PLD1: variants seen among roughly 807,000 people sequenced by gnomAD.
The protein encoded by PLD1 is phospholipase D1.
A neutral mutation model predicts 137.1 loss-of-function variants in PLD1; 112 were observed. The observed-to-expected ratio is 0.82, with a 90% CI of 0.70 to 0.96. The LOEUF is 0.96. PLD1 is among the 40% of genes least tolerant of loss of function. The pLI is 0.00. For missense variants in PLD1, 1,321 were observed against 1,342.0 expected (o/e 0.98, Z 0.24); for synonymous variants, 431 against 454.7 (o/e 0.95, Z 0.66).
At chr3:171,734,076 A>T (rs1339203526) in intron 5 of PLD1, among the ~76,000 whole-genome samples, 3 of 152,214 alleles carry the variant, frequency 2.0e-5, no homozygotes, top group Non-Finnish European at 4.4e-5. Flanking sequence ...AAAATCCAGC[A>T]TGCTTTTGCT....
intron 1 of PLD1, among the ~76,000 whole-genome samples, chr3:171,802,991 T>G (rs1723704667): frequency 1.3e-5 from 2 of 152,318 alleles, no homozygotes; most frequent in South Asian, 4.1e-4. Flanking sequence ...TACAAAATAC[T>G]ATTTTGAGTC....
intron 16 of PLD1, among the ~76,000 whole-genome samples, chr3:171,686,122 TC>T (rs1714532233): frequency 1.2e-5 from 1 of 83,100 alleles, no homozygotes; most frequent in Non-Finnish European, 2.5e-5. Flanking sequence ...AGACTCTATC[TC>T]AAAAAAAAAA....
chr3:171,614,249 C>G (rs1340815214), intron 24 of PLD1, among the ~76,000 whole-genome samples: 1 of 152,132 alleles, frequency 6.6e-6, no homozygotes, highest in African/African-American at 2.4e-5. Flanking sequence ...AAGTGGGAAC[C>G]TTTGAAACAC....
chr3:171,741,238 T>C (rs1414873430), intron 1 of PLD1, among the ~76,000 whole-genome samples: 1 of 152,246 alleles, frequency 6.6e-6, no homozygotes, highest in Non-Finnish European at 1.5e-5. Flanking sequence ...GACTTGTTCA[T>C]GCTTTTGTAA....
intron 8 of PLD1, among the ~76,000 whole-genome samples, chr3:171,723,397 A>C (rs945489243): frequency 1.3e-5 from 2 of 152,198 alleles, no homozygotes; most frequent in African/African-American, 4.8e-5. Flanking sequence ...GGTTGCTTCC[A>C]AATCTTGGCT....
At chr3:171,708,204 C>T (rs1470687774) in intron 11 of PLD1, among the ~76,000 whole-genome samples, 2 of 152,054 alleles carry the variant, frequency 1.3e-5, no homozygotes, top group Admixed American at 6.6e-5. Flanking sequence ...AATGAGTTTC[C>T]GATATGAGGC....
intron 16 of PLD1, among the ~76,000 whole-genome samples, chr3:171,679,411 C>T (rs1282032232): frequency 6.6e-6 from 1 of 152,056 alleles, no homozygotes; most frequent in Non-Finnish European, 1.5e-5. Context: ...GGCCAAAGTA[C>T]GGGTAGGTCT....
At chr3:171,719,002 A>T (rs141514888) in intron 8 of PLD1, among the ~76,000 whole-genome samples, 2 of 152,130 alleles carry the variant, frequency 1.3e-5, no homozygotes. Flanking sequence ...AGATAAGCCC[A>T]CTTGAGCCAG....
intron 23 of PLD1, among the ~76,000 whole-genome samples, chr3:171,628,761 C>T (rs1227820838): frequency 6.6e-6 from 1 of 152,014 alleles, no homozygotes; most frequent in Non-Finnish European, 1.5e-5. Context: ...AGACAAAAAC[C>T]ACGTGATTAT....
chr3:171,809,215 A>G (rs916248115), intron 1 of PLD1: 1 of 152,238 alleles, frequency 6.6e-6, no homozygotes, highest in African/African-American at 2.4e-5. Flanking sequence ...AGATCCCCAA[A>G]CAACATTTAA....
intron 21 of PLD1, among the ~76,000 whole-genome samples, chr3:171,650,465 TC>T (rs1376366589): frequency 6.6e-6 from 1 of 151,526 alleles, no homozygotes; most frequent in Non-Finnish European, 1.5e-5. Flanking sequence ...CGGAGGGAGA[TC>T]AACATCAGTG....
chr3:171,720,961 T>G (rs1718085537), intron 8 of PLD1, among the ~76,000 whole-genome samples: 1 of 152,208 alleles, frequency 6.6e-6, no homozygotes, highest in South Asian at 2.1e-4. Context: ...AGTCACCCTC[T>G]GCAATCCCCA....
At chr3:171,770,277 A>G (rs140779613) in intron 1 of PLD1, among the ~76,000 whole-genome samples, 452 of 152,326 alleles carry the variant, frequency 3.0e-3, no homozygotes, top group African/African-American at 0.01. Flanking sequence ...ACAAAATTCA[A>G]TTGGGCTTAA....
At chr3:171,773,527 G>A (rs1722478748) in intron 1 of PLD1, among the ~76,000 whole-genome samples, 1 of 152,080 alleles carries the variant, frequency 6.6e-6, no homozygotes, top group Admixed American at 6.5e-5. Context: ...GCTTGAACCC[G>A]GGAGGCGGAG....
rs577340901 is a variant in PLD1 at position 171,677,669 on chromosome 3, C to G, written c.1893G>C (p.Gln631His). ...HADTGSIRSL[Q>H]TGVGELHGET... ...CCCCATGCAGCTCTCCCACACCTGT[C>G]TGTAAACTACGGATGGACCCGGTAT... The change falls in exon 17 of 27, where the codon CAG (glutamine) becomes CAC (histidine). Residue 631 changes from glutamine to histidine, a missense_variant. Transcript: ENST00000351298. The G allele has an allele frequency of 1.9e-6, 3 of 1,614,076 alleles. No individual in the cohort carries two copies. The highest frequency in any genetic ancestry group is 2.5e-6 in the Non-Finnish European group (3 of 1,179,968).
intron 8 of PLD1, among the ~76,000 whole-genome samples, chr3:171,717,541 G>A (rs1199092734): frequency 6.6e-6 from 1 of 152,178 alleles, no homozygotes; most frequent in East Asian, 1.9e-4. Flanking sequence ...TGTTGTTGGT[G>A]TATAGAAATG....
intron 23 of PLD1, among the ~76,000 whole-genome samples, chr3:171,621,136 T>G (rs1485956562): frequency 6.6e-6 from 1 of 152,088 alleles, no homozygotes; most frequent in Non-Finnish European, 1.5e-5. Context: ...AACAGAAGAA[T>G]CCTTACTACA....
chr3:171,742,134 C>G (rs1007660844), intron 1 of PLD1, among the ~76,000 whole-genome samples: 2 of 152,194 alleles, frequency 1.3e-5, no homozygotes, highest in East Asian at 3.8e-4. Context: ...TTTGATCTGA[C>G]CTCAAAGCCC....
chr3:171,632,402 T>C (rs1734742733), intron 23 of PLD1, among the ~76,000 whole-genome samples: 1 of 152,200 alleles, frequency 6.6e-6, no homozygotes, highest in Non-Finnish European at 1.5e-5. Context: ...ATGAAGTACA[T>C]TCCTAAGACA....
Sources: allele counts gnomAD v4.1 joint callset (sites outside exome capture counted in the v4.1 genomes callset), GRCh38; gene constraint gnomAD v4.1.1; transcripts MANE v1.5; gene names NCBI Gene and HGNC (gene_info 2026-07-23, HGNC 2026-07-21).